KLF12: variants seen among roughly 807,000 people sequenced by gnomAD.
KLF12 encodes the protein Krueppel-like factor 12.
A neutral mutation model predicts 37.8 loss-of-function variants in KLF12; 9 were observed. The observed-to-expected ratio is 0.24, with a 90% CI of 0.14 to 0.42. The LOEUF (loss-of-function observed/expected upper bound fraction) is 0.42, where lower values mean the gene tolerates loss of function less well. KLF12 is among the 10% of genes least tolerant of loss of function. The pLI is 1.00. For missense variants in KLF12, 411 were observed against 516.0 expected (o/e 0.80, Z 1.97); for synonymous variants, 208 against 202.1 (o/e 1.03, Z -0.25).
At chr13:73,900,190 G>A (rs758984067) in intron 3 of KLF12, among the ~76,000 whole-genome samples, 49 of 152,198 alleles carry the variant, frequency 3.2e-4, no homozygotes, top group African/African-American at 1.2e-3. Flanking sequence ...CTGGAGATCC[G>A]GTCGTCATAA....
rs539105407 is a variant in KLF12 at position 74,025,965 on chromosome 13, T to C, written c.-31-30912A>G. Among the ~76,000 whole-genome samples, 5 of 152,280 alleles carry C rather than the reference T, an allele frequency of 3.3e-5. No individual in the cohort carries two copies. In the South Asian group the frequency reaches 1.0e-3, roughly 32 times the overall value. On this transcript the variant is annotated intron_variant, in intron 1 of 7. Coordinates refer to ENST00000377669, the MANE Select transcript of KLF12 (RefSeq NM_007249.5). ...AATGCAAACAATTAAATAATTTGGA[T>C]TTGCTAAGATTTCTCTAGTGAAACA...
chr13:73,915,498 G>C (rs920755217), intron 3 of KLF12, among the ~76,000 whole-genome samples: 17 of 151,464 alleles, frequency 1.1e-4, no homozygotes, highest in African/African-American at 3.9e-4. Flanking sequence ...ATATACCCAG[G>C]CTTCTTTTTC....
Position 73,846,272 on chromosome 13 carries a change from G to T in KLF12, c.225C>A (p.Phe75Leu). The T allele has an allele frequency of 1.2e-6, 2 of 1,614,012 alleles. No homozygotes were observed. The highest frequency in any genetic ancestry group is 2.2e-5 in the East Asian group (1 of 44,894). ...AGTCCACTGGCTCAGTTTGTGTTTG[G>T]AAGTGATCTACAGATAACGAGTCCT... Residue 75 changes from phenylalanine to leucine, a missense_variant, in exon 4 of 8, where the codon TTC becomes TTA. Phe to Leu is a conservative substitution (Grantham distance 22). Coordinates refer to ENST00000377669, the MANE Select transcript of KLF12 (RefSeq NM_007249.5).
intron 1 of KLF12, among the ~76,000 whole-genome samples, chr13:74,110,226 C>T (rs1876896598): frequency 6.6e-6 from 1 of 152,132 alleles, no homozygotes; most frequent in Admixed American, 6.5e-5. Context: ...CCTGCCTCGC[C>T]CAGAGCTCAA....
At chr13:73,889,710 A>C (rs1887410765) in intron 3 of KLF12, among the ~76,000 whole-genome samples, 2 of 152,252 alleles carry the variant, frequency 1.3e-5, no homozygotes, top group Admixed American at 6.5e-5. Context: ...TTAAAGTATA[A>C]GCAAAGATAA....
the KLF12 span, among the ~76,000 whole-genome samples, chr13:74,244,975 A>T: frequency 1.5e-3 from 224 of 152,312 alleles, 3 homozygotes; most frequent in Non-Finnish European, 1.7e-3. Flanking sequence ...AAAAAGATAG[A>T]TTAACATATT....
At chr13:74,299,633 AAGGGC>A in the KLF12 span, among the ~76,000 whole-genome samples, 2 of 152,180 alleles carry the variant, frequency 1.3e-5, no homozygotes, top group African/African-American at 4.8e-5. Flanking sequence ...TCCTAGCGTT[AAGGGC>A]TAATAAGACA....
chr13:74,134,476 G>A (rs1451378419), upstream of KLF12, among the ~76,000 whole-genome samples: 1 of 151,930 alleles, frequency 6.6e-6, no homozygotes, highest in Admixed American at 6.5e-5. Flanking sequence ...CCCACTGCCC[G>A]GCCCTCGCCT....
the KLF12 span, among the ~76,000 whole-genome samples, chr13:74,206,004 A>AG: frequency 6.6e-6 from 1 of 152,156 alleles, no homozygotes; most frequent in Non-Finnish European, 1.5e-5. Context: ...ATAAATATCA[A>AG]ATCTAAATTA....
At position 73,846,180 on chromosome 13, in the gene KLF12, G is replaced by C; in HGVS notation, c.317C>G (p.Ser106Cys). The change falls in exon 4 of 8, where the codon TCT becomes TGT. Residue 106 changes from serine (S) to cysteine (C), a missense_variant. Physicochemically the swap from Ser to Cys is moderately radical, Grantham distance 112. Transcript: ENST00000377669. ...TGAAGTTGAAGAAGGTGAGGAGGCAGATGCTGTCATGGAAACTGGGGAGGA... is the reference window on the plus strand; with the variant it reads ...TGAAGTTGAAGAAGGTGAGGAGGCACATGCTGTCATGGAAACTGGGGAGGA... 1 of 1,614,156 alleles carries C rather than the reference G, an allele frequency of 6.2e-7. No homozygotes were observed. The highest frequency in any genetic ancestry group is 8.5e-7 in the Non-Finnish European group (1 of 1,180,014).
chr13:73,871,485 G>A (rs1172195432), intron 3 of KLF12, among the ~76,000 whole-genome samples: 2 of 152,138 alleles, frequency 1.3e-5, no homozygotes, highest in African/African-American at 2.4e-5. Flanking sequence ...AAACTGAGCG[G>A]GGAGAAAATG....
intron 1 of KLF12, among the ~76,000 whole-genome samples, chr13:74,126,795 A>G (rs890615573): frequency 1.5e-4 from 23 of 152,194 alleles, no homozygotes; most frequent in Admixed American, 1.4e-3. Context: ...CAGTATATAA[A>G]TGGCATTTCA....
At chr13:73,976,703 G>A (rs2138147331) in intron 2 of KLF12, among the ~76,000 whole-genome samples, 1 of 152,302 alleles carries the variant, frequency 6.6e-6, no homozygotes, top group Non-Finnish European at 1.5e-5. Flanking sequence ...AAGAAACTAA[G>A]TAGCTGGAGG....
intron 1 of KLF12, among the ~76,000 whole-genome samples, chr13:74,039,833 A>C (rs1017220919): frequency 6.6e-6 from 1 of 152,242 alleles, no homozygotes; most frequent in Non-Finnish European, 1.5e-5. Flanking sequence ...TGACTCCACT[A>C]AACTGTTGTC....
the KLF12 span, among the ~76,000 whole-genome samples, chr13:74,289,978 A>G: frequency 6.6e-6 from 1 of 152,178 alleles, no homozygotes; most frequent in African/African-American, 2.4e-5. Context: ...GCCCTATATT[A>G]TATAACAGTA....
rs758228507 is a variant in KLF12, at chr13:73,845,927, T to C, written c.570A>G (p.Val190=). 44 of 1,613,980 alleles carry C rather than the reference T, an allele frequency of 2.7e-5. 1 individual carries two copies. In the South Asian group the frequency reaches 4.7e-4, roughly 17 times the overall value. The change falls in exon 4 of 8, where the codon GTA becomes GTG. Residue 190 remains valine, a synonymous_variant. Transcript: ENST00000377669. ...CTGTGTAGACAACAGGCACCGACTG[T>C]ACCACCACGGGGATGCGGTGAACAT...
At chr13:74,204,385 C>A in the KLF12 span, among the ~76,000 whole-genome samples, 2 of 152,038 alleles carry the variant, frequency 1.3e-5, no homozygotes, top group African/African-American at 4.8e-5. Flanking sequence ...TTGATGTAAC[C>A]ATCACCCCAA....
the KLF12 span, among the ~76,000 whole-genome samples, chr13:74,294,364 T>C: frequency 1.3e-5 from 2 of 152,090 alleles, no homozygotes; most frequent in South Asian, 2.1e-4. Context: ...ATCCCCCAAA[T>C]TAATAAGAGA....
At chr13:73,940,435 C>G (rs926651899) in intron 3 of KLF12, among the ~76,000 whole-genome samples, 1 of 152,274 alleles carries the variant, frequency 6.6e-6, no homozygotes, top group Middle Eastern at 3.4e-3. Flanking sequence ...GAACTCCAAA[C>G]AGAAGGCACA....
Sources: gnomAD v4.1 joint callset for allele counts (sites outside exome capture counted in the v4.1 genomes callset) on GRCh38, gnomAD v4.1.1 for gene constraint, MANE v1.5 for transcripts, NCBI Gene and HGNC (gene_info 2026-07-23, HGNC 2026-07-21) for gene names.